USP20: variants seen among roughly 807,000 people sequenced by gnomAD.
The protein encoded by USP20 is ubiquitin specific peptidase 20.
In USP20, 80 loss-of-function variants were observed where a neutral mutation model predicts 124.2. That is an observed-to-expected ratio of 0.64 (90% confidence interval 0.54 to 0.78). The LOEUF is 0.78. Ranked by LOEUF, USP20 falls within the 30% of genes least tolerant of loss-of-function variation. USP20 has a pLI of 0.00. For missense variants in USP20, 1,043 were observed against 1,244.4 expected (o/e 0.84, Z 2.44); for synonymous variants, 481 against 512.3 (o/e 0.94, Z 0.83).
chr9:129,847,369 C>T (rs1237632265), intron 1 of USP20, among the ~76,000 whole-genome samples: 1 of 148,354 alleles, frequency 6.7e-6, no homozygotes, highest in Admixed American at 6.8e-5. Context: ...GTGGTGCGAT[C>T]TCAGCTCACT....
chr9:129,870,213 A>G, intron 14 of USP20: 5 of 578,136 alleles, frequency 8.6e-6, no homozygotes, highest in Non-Finnish European at 6.2e-6. Context: ...AGGGGGTAGC[A>G]TGATCATGGC....
intron 10 of USP20, among the ~76,000 whole-genome samples, chr9:129,866,026 C>T (rs2033804717): frequency 6.6e-6 from 1 of 152,180 alleles, no homozygotes; most frequent in South Asian, 2.1e-4. Flanking sequence ...AATAATGAGA[C>T]CAAGACAGAG....
chr9:129,839,949 G>T lies in USP20; in HGVS notation c.-129+4450G>T, dbSNP rs1263068624. ...CCCCCACCCTGGAGGCCCAGGGAAG[G>T]AAAGCTGCCTTTATGAGCCTGAAGC... On this transcript the variant is annotated intron_variant, in intron 1 of 25. Coordinates refer to ENST00000372429, the MANE Select transcript of USP20 (RefSeq NM_001110303.4). This position sits in a 1 kb window ranked among gnomAD's most constrained non-coding sequence, Gnocchi z 4.5. Among the ~76,000 whole-genome samples, 1 of 152,160 alleles carries T rather than the reference G, an allele frequency of 6.6e-6. No individual in the cohort carries two copies. Among genetic ancestry groups the T allele is most frequent in the Non-Finnish European group, 1.5e-5 (1 of 68,024 alleles).
chr9:129,859,815 G>C (rs1483097348), intron 6 of USP20, among the ~76,000 whole-genome samples: 1 of 152,144 alleles, frequency 6.6e-6, no homozygotes, highest in Non-Finnish European at 1.5e-5. Context: ...CAGGAGGATC[G>C]CTTGAGCCCA....
intron 13 of USP20, 97 bp downstream of exon 13, chr9:129,869,522 T>G (rs2034855507): frequency 6.6e-7 from 1 of 1,523,576 alleles, no homozygotes; most frequent in South Asian, 1.2e-5. Flanking sequence ...CCACGGGTGC[T>G]CCCTGCTTTT....
intron 14 of USP20, chr9:129,870,048 C>T (rs2034038955): frequency 1.5e-6 from 1 of 651,106 alleles, no homozygotes; most frequent in Admixed American, 3.0e-5. Flanking sequence ...TGGATAGTCC[C>T]TTGGAGCTGG....
At chr9:129,845,934 G>GT (rs964212644) in intron 1 of USP20, among the ~76,000 whole-genome samples, 57 of 151,074 alleles carry the variant, frequency 3.8e-4, no homozygotes, top group Admixed American at 1.8e-3. Flanking sequence ...TTTGTGTTTT[G>GT]TTTTTTTTGA....
At chr9:129,851,450 A>G (rs1041095261) in intron 2 of USP20, among the ~76,000 whole-genome samples, 2 of 152,098 alleles carry the variant, frequency 1.3e-5, no homozygotes, top group African/African-American at 4.8e-5. Context: ...TGTCTGTAGT[A>G]CAATCAGTAA....
intron 10 of USP20, among the ~76,000 whole-genome samples, chr9:129,867,754 G>C (rs1282307019): frequency 6.6e-6 from 1 of 152,194 alleles, no homozygotes; most frequent in African/African-American, 2.4e-5. Context: ...TGCATACCTG[G>C]CTCTGACACT....
intron 12 of USP20, 116 bp from the exon 13 acceptor site, chr9:129,869,194 C>G (rs762249925): frequency 1.4e-4 from 190 of 1,331,106 alleles, no homozygotes; most frequent in Non-Finnish European, 1.9e-4. Context: ...GAATTGCTTA[C>G]CCAGTCATGT....
chr9:129,875,466 C>T lies in USP20; in HGVS notation c.2205C>T (p.Leu735=). Residue 735 remains leucine (L), a synonymous_variant, in exon 20 of 26, where the codon CTC becomes CTT. Coordinates refer to ENST00000372429, the MANE Select transcript of USP20 (RefSeq NM_001110303.4). ...EPGPITNQTF[L]CSHGGIPPHK... is the part of the protein sequence containing the mutation. ...GCCCCATCACCAACCAGACCTTCCT[C>T]TGCTCCCACGGAGGTGAGGCGCCCC... is the stretch of plus-strand genomic sequence containing the variant. 2 of 1,613,286 alleles carry T rather than the reference C, an allele frequency of 1.2e-6. No homozygotes were observed. The highest frequency in any genetic ancestry group is 1.7e-4 in the Middle Eastern group (1 of 6,054).
chr9:129,874,160 G>A (rs964078708), intron 17 of USP20, among the ~76,000 whole-genome samples: 1 of 152,100 alleles, frequency 6.6e-6, no homozygotes, highest in Non-Finnish European at 1.5e-5. Flanking sequence ...GCTGGTGTCA[G>A]CGTCGTGGAT....
At chr9:129,843,959 T>TG (rs1588240348) in intron 1 of USP20, among the ~76,000 whole-genome samples, 1 of 151,804 alleles carries the variant, frequency 6.6e-6, no homozygotes, top group Non-Finnish European at 1.5e-5. Context: ...CCTAGCTACT[T>TG]GGGGGGCTGA....
rs764505382 is a variant in USP20 at position 129,868,088 on chromosome 9, G to A, written c.774G>A (p.Thr258=). Residue 258 remains threonine, a synonymous_variant, in exon 11 of 26, where the codon ACG becomes ACA. Transcript: ENST00000372429. ...KEPVVATVAL[T]EARDSDSSDT... is the part of the protein sequence containing the mutation. ...CGGTGGTGGCCACGGTGGCGCTGAC[G>A]GAGGCTCGGGACTCAGATTCGAGTG... is the stretch of plus-strand genomic sequence containing the variant. 2.9e-5 allele frequency: 47 copies of A among 1,614,050 alleles called. No individual in the cohort carries two copies. The highest frequency in any genetic ancestry group is 2.1e-4 in the South Asian group (19 of 91,090).
At chr9:129,858,225 C>T in intron 5 of USP20, 113 bp downstream of exon 5, 1 of 1,240,772 alleles carries the variant, frequency 8.1e-7, no homozygotes, top group Non-Finnish European at 1.2e-6. Flanking sequence ...ATGGTGTCAT[C>T]CTAGCATAGC....
chr9:129,866,597 G>A (rs1177972117), intron 10 of USP20, among the ~76,000 whole-genome samples: 1 of 152,224 alleles, frequency 6.6e-6, no homozygotes, highest in Non-Finnish European at 1.5e-5. Flanking sequence ...GGGTCAGGAT[G>A]CCGTTACGGA....
At chr9:129,867,895 C>T (rs957238458) in intron 10 of USP20, 110 bp from the exon 11 acceptor site, 80 of 1,358,798 alleles carry the variant, frequency 5.9e-5, no homozygotes, top group Non-Finnish European at 7.7e-5. Flanking sequence ...GCAGGGGGCG[C>T]CCATGAGGTC....
intron 1 of USP20, among the ~76,000 whole-genome samples, chr9:129,845,122 G>A (rs1206317226): frequency 6.6e-6 from 1 of 152,208 alleles, no homozygotes; most frequent in Admixed American, 6.5e-5. Flanking sequence ...GCCCCTGTGA[G>A]TCACCTGGAG....
At position 129,868,065 on chromosome 9, in the gene USP20, G is replaced by T. The variant is rs771784545; in HGVS notation, c.751G>T (p.Val251Leu). 2.5e-6 allele frequency: 4 copies of T among 1,614,026 alleles called. No homozygotes were observed. In the East Asian group the frequency reaches 8.9e-5, roughly 36 times the overall value. The change falls in exon 11 of 26, where the codon GTG (valine) becomes TTG (leucine). Residue 251 changes from valine to leucine, a missense_variant. Coordinates refer to ENST00000372429, the MANE Select transcript of USP20 (RefSeq NM_001110303.4). The stretch of plus-strand genomic sequence containing the variant: ...GCTGCACGAGGAGCTCAAGGAGCCG[G>T]TGGTGGCCACGGTGGCGCTGACGGA... ...DQLHEELKEPVVATVALTEAR... is the reference protein window; with the variant it reads ...DQLHEELKEPLVATVALTEAR...
Sources: gnomAD v4.1 joint callset for allele counts (sites outside exome capture counted in the v4.1 genomes callset) on GRCh38, gnomAD v4.1.1 for gene constraint, Gnocchi (gnomAD v3.1) non-coding constraint, MANE v1.5 for transcripts, NCBI Gene and HGNC (gene_info 2026-07-23, HGNC 2026-07-21) for gene names.